The following P4HA1 variants were observed in gnomAD, a reference collection of about 807,000 sequenced individuals.
The protein encoded by P4HA1 is prolyl 4-hydroxylase subunit alpha 1.
P4HA1 carries 24 observed loss-of-function variants against 72.8 expected under a neutral mutation model. The ratio of observed to expected loss-of-function variants is 0.33; its 90% CI spans 0.24 to 0.46. P4HA1 has a LOEUF of 0.46. P4HA1 is among the 20% of genes least tolerant of loss of function. P4HA1 has a pLI of 1.00. For missense variants in P4HA1, 446 were observed against 640.6 expected (o/e 0.70, Z 3.28); for synonymous variants, 201 against 218.8 (o/e 0.92, Z 0.72).
intron 4 of P4HA1, among the ~76,000 whole-genome samples, chr10:73,069,658 T>G (rs1249694878): frequency 6.6e-6 from 1 of 152,150 alleles, no homozygotes. Context: ...AACCAATTAC[T>G]GATAACTATA....
intron 1 of P4HA1, among the ~76,000 whole-genome samples, chr10:73,075,157 G>C (rs568319458): frequency 4.6e-5 from 7 of 152,206 alleles, no homozygotes; most frequent in South Asian, 4.2e-4. Flanking sequence ...GCCCAGGCTG[G>C]AGTGCCATGG....
At chr10:73,019,662 G>A (rs551882268) in intron 10 of P4HA1, among the ~76,000 whole-genome samples, 50 of 146,990 alleles carry the variant, frequency 3.4e-4, no homozygotes, top group Admixed American at 1.3e-3. Flanking sequence ...CCTGGGAGGC[G>A]GAGGTTGCAG....
At chr10:73,059,903 C>T (rs962663878) in intron 5 of P4HA1, among the ~76,000 whole-genome samples, 3 of 151,940 alleles carry the variant, frequency 2.0e-5, no homozygotes, top group Admixed American at 6.6e-5. Flanking sequence ...TATGATCATG[C>T]CACTGCACTC....
At chr10:73,014,412 C>A in intron 11 of P4HA1, 123 bp from the exon 12 acceptor site, 2 of 709,800 alleles carry the variant, frequency 2.8e-6, no homozygotes, top group East Asian at 5.3e-5. Context: ...CAAAAGTTTC[C>A]CTTGTAATGT....
At chr10:73,042,430 T>C (rs778133542) in intron 9 of P4HA1, among the ~76,000 whole-genome samples, 1 of 152,228 alleles carries the variant, frequency 6.6e-6, no homozygotes, top group Non-Finnish European at 1.5e-5. Context: ...TTAAAATCTA[T>C]GTTTGCCTTT....
At chr10:73,018,827 C>T (rs145051121) in intron 10 of P4HA1, among the ~76,000 whole-genome samples, 81 of 152,186 alleles carry the variant, frequency 5.3e-4, no homozygotes, top group African/African-American at 2.0e-3. Flanking sequence ...CACTCTTTTC[C>T]CAAGCAGCTA....
chr10:73,073,305 T>A (rs1841611014), intron 3 of P4HA1, among the ~76,000 whole-genome samples: 3 of 137,658 alleles, frequency 2.2e-5, no homozygotes, highest in Non-Finnish European at 4.7e-5. Context: ...CACTGCAGCC[T>A]CCACCTCCCG....
chr10:73,085,761 T>C (rs1282258389), intron 1 of P4HA1, among the ~76,000 whole-genome samples: 1 of 152,158 alleles, frequency 6.6e-6, no homozygotes. Flanking sequence ...ATGTTCAACA[T>C]CATTCATCAC....
chr10:73,020,666 C>T (rs1304803879), intron 10 of P4HA1, among the ~76,000 whole-genome samples: 1 of 152,002 alleles, frequency 6.6e-6, no homozygotes. Flanking sequence ...ACACAAAATA[C>T]TCAAAAAAAT....
chr10:73,009,589 G>A (rs909083052), intron 14 of P4HA1: 1 of 464,314 alleles, frequency 2.2e-6, no homozygotes, highest in Non-Finnish European at 3.9e-6. Context: ...GTCAGTCATT[G>A]TTTCTTGGAA....
chr10:73,011,331 G>A (rs77584706), intron 12 of P4HA1, among the ~76,000 whole-genome samples: 4,570 of 152,196 alleles, frequency 0.03, 216 homozygotes, highest in African/African-American at 0.098. Flanking sequence ...AAAAAGTAAT[G>A]ACTTAAAACT....
intron 9 of P4HA1, among the ~76,000 whole-genome samples, chr10:73,038,622 CTTT>C (rs745518781): frequency 3.7e-5 from 4 of 108,820 alleles, no homozygotes; most frequent in African/African-American, 4.0e-5. Flanking sequence ...TTTTTATTTG[CTTT>C]TTTTTTTTTT....
At chr10:73,059,919 C>T (rs192219748) in intron 5 of P4HA1, among the ~76,000 whole-genome samples, 1 of 151,546 alleles carries the variant, frequency 6.6e-6, no homozygotes, top group East Asian at 1.9e-4. Flanking sequence ...CACTCCAGGC[C>T]GGGCAACAGA....
chr10:73,018,538 C>T (rs990579334), intron 10 of P4HA1, among the ~76,000 whole-genome samples: 1 of 152,176 alleles, frequency 6.6e-6, no homozygotes, highest in African/African-American at 2.4e-5. Flanking sequence ...TCAGGGGTGC[C>T]TGTTCCTGCT....
chr10:73,091,060 C>CAAA (rs202009101), intron 1 of P4HA1, among the ~76,000 whole-genome samples: 284 of 46,356 alleles, frequency 6.1e-3, no homozygotes, highest in Non-Finnish European at 0.014. Flanking sequence ...GAGTCCATCT[C>CAAA]AAAAAAAAAA....
intron 5 of P4HA1, among the ~76,000 whole-genome samples, chr10:73,054,863 T>G (rs535559434): frequency 6.6e-6 from 1 of 152,292 alleles, no homozygotes; most frequent in East Asian, 1.9e-4. Flanking sequence ...TTGGGCCTAT[T>G]ATCGTGTGCT....
chr10:73,022,221 G>A (rs1238233008), intron 10 of P4HA1, among the ~76,000 whole-genome samples: 7 of 152,158 alleles, frequency 4.6e-5, no homozygotes, highest in Admixed American at 2.0e-4. Context: ...TAGCCTAACT[G>A]GGGGAAACCT....
At chr10:73,015,298 C>T (rs901521956) in intron 11 of P4HA1, among the ~76,000 whole-genome samples, 3 of 152,134 alleles carry the variant, frequency 2.0e-5, no homozygotes, top group Admixed American at 6.5e-5. Context: ...GTAAACACAT[C>T]TTTATTTGTA....
rs1232890778 is a variant in P4HA1 at position 73,016,762 on chromosome 10, G to A, written c.1302+84C>T. 2.1e-5 allele frequency: 21 copies of A among 1,015,250 alleles called. No homozygotes were observed. In the South Asian group the frequency reaches 2.8e-4, roughly 14 times the overall value. 62.9% of individuals were successfully genotyped at this position (1,015,250 alleles called of 1,614,324 possible). A position where few individuals can be genotyped will look rare whatever the true frequency, so the allele number is the denominator to read the frequency against. The stretch of plus-strand genomic sequence containing the variant: ...ACTGCACTCCAGCCTGGGTGACAGA[G>A]TGAGACTGTTTTTTTGTTTTGTTTT... On this transcript the variant is annotated intron_variant, in intron 11 of 14. Transcript: ENST00000394890.
Sources: gnomAD v4.1 joint callset for allele counts (sites outside exome capture counted in the v4.1 genomes callset) on GRCh38, gnomAD v4.1.1 for gene constraint, MANE v1.5 for transcripts, NCBI Gene and HGNC (gene_info 2026-07-23, HGNC 2026-07-21) for gene names.